C1QBP: variants seen among roughly 807,000 people sequenced by gnomAD.
C1QBP encodes complement C1q binding protein.
In C1QBP, 24 loss-of-function variants were observed where a neutral mutation model predicts 29.4. That is an observed-to-expected ratio of 0.82 (90% CI 0.59 to 1.15). The LOEUF is 1.15. C1QBP is among the 50% of genes most tolerant of loss of function. The pLI, the probability that C1QBP is intolerant of heterozygous loss-of-function variation, is 0.00. For missense variants in C1QBP, 337 were observed against 355.8 expected (o/e 0.95, Z 0.43); for synonymous variants, 182 against 149.2 (o/e 1.22, Z -1.60).
At chr17:5,433,494 A>G in intron 4 of C1QBP, 79 bp from the exon 5 acceptor site, 3 of 1,579,700 alleles carry the variant, frequency 1.9e-6, no homozygotes, top group Non-Finnish European at 2.6e-6. Flanking sequence ...GGCCACTGAC[A>G]GCATGAAACT....
chr17:5,437,097 C>A (rs1223346779), intron 2 of C1QBP, among the ~76,000 whole-genome samples: 1 of 152,130 alleles, frequency 6.6e-6, no homozygotes, highest in African/African-American at 2.4e-5. Context: ...TAGTGATTAC[C>A]TGGGGTGGCT....
intron 2 of C1QBP, among the ~76,000 whole-genome samples, chr17:5,436,829 C>A (rs536254186): frequency 3.9e-4 from 60 of 152,254 alleles, no homozygotes; most frequent in Non-Finnish European, 7.4e-4. Flanking sequence ...ACCAGCCTGG[C>A]CAACACGGTG....
Position 5,438,235 on chromosome 17 carries a change from T to C in C1QBP, c.271A>G (p.Lys91Glu), listed in dbSNP as rs1284637497. ...TGCTTCTGAATTTTTCTTTCCTCCTTAATTTCATCACTCAGGAAATCAACA... is the reference window on the plus strand; with the variant it reads ...TGCTTCTGAATTTTTCTTTCCTCCTCAATTTCATCACTCAGGAAATCAACA... ...AFVDFLSDEI[K>E]EERKIQKHKT... is the part of the protein sequence containing the mutation. The change falls in exon 2 of 6, where the codon AAG becomes GAG. Residue 91 changes from lysine (K) to glutamate (E), a missense_variant. Lys to Glu is a moderately conservative substitution (Grantham distance 56). Coordinates refer to ENST00000225698, the MANE Select transcript of C1QBP (RefSeq NM_001212.4). 6.2e-6 allele frequency: 10 copies of C among 1,614,050 alleles called. No individual in the cohort carries two copies. The highest frequency in any genetic ancestry group is 8.5e-6 in the Non-Finnish European group (10 of 1,180,012).
Position 5,434,981 on chromosome 17 carries a change from GAAAACAGACAAGGC to G in C1QBP, c.384-29_384-16del, listed in dbSNP as rs57107824. On this transcript the variant is annotated splice_polypyrimidine_tract_variant and intron_variant, in intron 2 of 5. Coordinates refer to ENST00000225698, the MANE Select transcript of C1QBP (RefSeq NM_001212.4). ...TGACCGTGATTCTAAAACGGCAAGG[GAAAACAGACAAGGC>G]AAAACAGACAAGGCATGGTTTTAAC... is the stretch of plus-strand genomic sequence containing the variant. 392,936 of 1,591,286 alleles carry G rather than the reference GAAAACAGACAAGGC, an allele frequency of 0.25. 60,353 individuals are homozygous for G. Among genetic ancestry groups the G allele is most frequent in the East Asian group, 0.77 (34,183 of 44,560 alleles).
intron 4 of C1QBP, 74 bp from the exon 5 acceptor site, chr17:5,433,489 C>A: frequency 6.3e-7 from 1 of 1,592,128 alleles, no homozygotes; most frequent in Non-Finnish European, 8.6e-7. Context: ...AAGGGGGCCA[C>A]TGACAGCATG....
intron 4 of C1QBP, 102 bp downstream of exon 4, chr17:5,433,567 C>G: frequency 6.5e-7 from 1 of 1,529,728 alleles, no homozygotes; most frequent in South Asian, 1.1e-5. Flanking sequence ...CTGGTCTAAG[C>G]TAGAAAAGTG....
chr17:5,437,887 C>T (rs1004150862), intron 2 of C1QBP, among the ~76,000 whole-genome samples: 5 of 152,220 alleles, frequency 3.3e-5, no homozygotes, highest in African/African-American at 1.2e-4. Flanking sequence ...ACTGATTCTG[C>T]CAGTACTTTT....
At chr17:5,438,655 A>G (rs1916338225) in intron 1 of C1QBP, 187 bp downstream of exon 1, 1 of 1,267,596 alleles carries the variant, frequency 7.9e-7, no homozygotes, top group Non-Finnish European at 1.1e-6. Context: ...TTCACCCCCT[A>G]CCAAAAGAAA....
intron 2 of C1QBP, among the ~76,000 whole-genome samples, chr17:5,437,079 AAGT>A (rs1916294190): frequency 1.3e-5 from 2 of 152,282 alleles, no homozygotes; most frequent in African/African-American, 2.4e-5. Flanking sequence ...CCCATAGAGA[AAGT>A]AGCTTAGTGA....
rs765701639 is a variant in C1QBP at position 5,438,209 on chromosome 17, A to C, written c.297T>G (p.His99Gln). Residue 99 changes from histidine to glutamine, a missense_variant, in exon 2 of 6, where the codon CAT becomes CAG. Physicochemically the swap from His to Gln is conservative, Grantham distance 24 (BLOSUM62 0). Transcript: ENST00000225698. ...CTCCAGACATCTTAGGGAGGGTTTT[A>C]TGCTTCTGAATTTTTCTTTCCTCCT... ...EIKEERKIQK[H>Q]KTLPKMSGGW... The C allele has an allele frequency of 3.1e-6, 5 of 1,614,114 alleles. No individual in the cohort carries two copies. The highest frequency in any genetic ancestry group is 4.5e-5 in the East Asian group (2 of 44,892).
In C1QBP at chr17:5,433,182, T is replaced by C. The variant is rs1192809977; in HGVS notation, c.700-18A>G. The stretch of plus-strand genomic sequence containing the variant: ...TATAAGGCCTGCAAAGAACAATATT[T>C]ACTAGTTAAAAAAAAATCTGTAATG... On this transcript the variant is annotated intron_variant, in intron 5 of 5. Coordinates refer to ENST00000225698, the MANE Select transcript of C1QBP (RefSeq NM_001212.4). 1 of 1,608,540 alleles carries C rather than the reference T, an allele frequency of 6.2e-7. No homozygotes were observed.
chr17:5,438,862 C>G lies in C1QBP; in HGVS notation c.212G>C (p.Cys71Ser). The G allele has an allele frequency of 6.5e-7, 1 of 1,545,876 alleles. No homozygotes were observed. The highest frequency in any genetic ancestry group is 8.7e-7 in the Non-Finnish European group (1 of 1,145,684). Residue 71 changes from cysteine (C) to serine (S), a missense_variant, in exon 1 of 6, where the codon TGC (cysteine) becomes TCC (serine). Cys to Ser is a moderately radical substitution (Grantham distance 112). Transcript: ENST00000225698. Reference protein sequence around the residue: ...PRGPCACGCGCGSLHTDGDKA... With the variant: ...PRGPCACGCGSGSLHTDGDKA... ...CTCACCGTCGGTGTGCAGCGAGCCG[C>G]AGCCACAGCCACAGGCGCAGGGTCC...
At chr17:5,437,730 G>C (rs2472614) in intron 2 of C1QBP, among the ~76,000 whole-genome samples, 19,883 of 152,186 alleles carry the variant, frequency 0.13, 2,576 homozygotes, top group East Asian at 0.65. Flanking sequence ...AGCTGACTTA[G>C]GTCACAAACT....
intron 2 of C1QBP, among the ~76,000 whole-genome samples, chr17:5,435,874 CAAAAAAAAAAAA>C (rs200057698): frequency 9.5e-6 from 1 of 105,652 alleles, no homozygotes; most frequent in South Asian, 2.8e-4. Flanking sequence ...CTAAAAAATA[CAAAAAAAAAAAA>C]AAAAAAAAAA....
chr17:5,433,907 C>T (rs1916183925), intron 3 of C1QBP, 140 bp from the exon 4 acceptor site: 2 of 742,800 alleles, frequency 2.7e-6, no homozygotes, highest in Non-Finnish European at 4.6e-6. Flanking sequence ...CCATACTATT[C>T]CCAAATGAAG....
Position 5,433,773 on chromosome 17 carries a change from G to A in C1QBP, c.478-6C>T. ...GGAGTTGATGTCAGTTCAGGCTGGG[G>A]AAACAAGAAGTCAATACATGCTGCT... On this transcript the variant is annotated splice_polypyrimidine_tract_variant and splice_region_variant and intron_variant, in intron 3 of 5. Transcript: ENST00000225698. 6.2e-7 allele frequency: 1 copy of A among 1,612,118 alleles called. No homozygotes were observed. Among genetic ancestry groups the A allele is most frequent in the Non-Finnish European group, 8.5e-7 (1 of 1,178,140 alleles).
Position 5,438,227 on chromosome 17 carries a change from T to G in C1QBP, c.279A>C (p.Glu93Asp). The G allele has an allele frequency of 1.2e-6, 2 of 1,614,228 alleles. No homozygotes were observed. Among genetic ancestry groups the G allele is most frequent in the Non-Finnish European group, 1.7e-6 (2 of 1,180,046 alleles). The stretch of plus-strand genomic sequence containing the variant: ...GGGTTTTATGCTTCTGAATTTTTCT[T>G]TCCTCCTTAATTTCATCACTCAGGA... The part of the protein sequence containing the change: ...VDFLSDEIKE[E>D]RKIQKHKTLP... The change falls in exon 2 of 6, where the codon GAA becomes GAC. Residue 93 changes from glutamate (E) to aspartate (D), a missense_variant. Physicochemically the swap from Glu to Asp is conservative, Grantham distance 45. Coordinates refer to ENST00000225698, the MANE Select transcript of C1QBP (RefSeq NM_001212.4).
chr17:5,433,348 C>T lies in C1QBP; in HGVS notation c.644G>A (p.Gly215Asp), dbSNP rs886629038. ...SIREVSFQST[G>D]ESEWKDTNYT... Reference sequence around the variant, plus strand: ...ATTAGTATCCTTCCATTCAGACTCGCCAGTGGACTGAAAGCTAACTTCCCT... The same window carrying T: ...ATTAGTATCCTTCCATTCAGACTCGTCAGTGGACTGAAAGCTAACTTCCCT... The change falls in exon 5 of 6, where the codon GGC (glycine) becomes GAC (aspartate). Residue 215 changes from glycine (G) to aspartate (D), a missense_variant. Transcript: ENST00000225698. The T allele has an allele frequency of 1.2e-6, 2 of 1,614,142 alleles. No homozygotes were observed. The highest frequency in any genetic ancestry group is 4.5e-5 in the East Asian group (2 of 44,888).
At chr17:5,434,207 G>A (rs533314285) in intron 3 of C1QBP, 322 of 210,010 alleles carry the variant, frequency 1.5e-3, no homozygotes, top group Non-Finnish European at 2.1e-3. Flanking sequence ...CCTCTGATGC[G>A]GAGCTCTGGG....
Sources: gnomAD v4.1 joint callset for allele counts (sites outside exome capture counted in the v4.1 genomes callset) on GRCh38, gnomAD v4.1.1 for gene constraint, MANE v1.5 for transcripts, NCBI Gene and HGNC (gene_info 2026-07-23, HGNC 2026-07-21) for gene names.